Variants in PTPRD observed in about 807,000 individuals in gnomAD.
PTPRD encodes protein tyrosine phosphatase receptor type D, also known as receptor-type tyrosine-protein phosphatase delta.
A neutral mutation model predicts 214.5 loss-of-function variants in PTPRD; 34 were observed. The observed-to-expected ratio is 0.16, with a 90% CI of 0.12 to 0.21. PTPRD has a LOEUF of 0.21. PTPRD is among the 10% of genes least tolerant of loss of function. PTPRD has a pLI of 1.00. For missense variants in PTPRD, 2,545 were observed against 2,398.7 expected (o/e 1.06, Z -1.27); for synonymous variants, 1,128 against 845.7 (o/e 1.33, Z -5.79).
intron 3 of PTPRD, among the ~76,000 whole-genome samples, chr9:10,200,789 C>A (rs559821378): frequency 1.3e-5 from 2 of 151,924 alleles, no homozygotes; most frequent in African/African-American, 2.4e-5. Flanking sequence ...TAGAATTTTA[C>A]CTGAGGAAAA....
intron 10 of PTPRD, among the ~76,000 whole-genome samples, chr9:9,067,364 T>C (rs953001471): frequency 2.0e-5 from 3 of 152,262 alleles, no homozygotes; most frequent in African/African-American, 7.2e-5. Flanking sequence ...TTGAATTCTT[T>C]GTGTATTTAC....
intron 9 of PTPRD, among the ~76,000 whole-genome samples, chr9:9,371,833 A>G (rs1291961795): frequency 6.6e-6 from 1 of 152,106 alleles, no homozygotes; most frequent in Non-Finnish European, 1.5e-5. Context: ...CGTTTGTTTC[A>G]AAGAACATCT....
chr9:10,165,329 A>C (rs1376007593), intron 3 of PTPRD, among the ~76,000 whole-genome samples: 1 of 151,748 alleles, frequency 6.6e-6, no homozygotes, highest in Non-Finnish European at 1.5e-5. Context: ...TGAGAGTCTG[A>C]AGTCATGAAT....
intron 3 of PTPRD, among the ~76,000 whole-genome samples, chr9:10,047,583 C>T (rs969277964): frequency 6.6e-6 from 1 of 152,010 alleles, no homozygotes; most frequent in Non-Finnish European, 1.5e-5. Flanking sequence ...CTTTTTTGTT[C>T]CCACCTCTAT....
chr9:10,596,142 G>C (rs1256628837), intron 2 of PTPRD, among the ~76,000 whole-genome samples: 1 of 151,718 alleles, frequency 6.6e-6, no homozygotes, highest in Non-Finnish European at 1.5e-5. Flanking sequence ...TTTCACAGAT[G>C]AGAAAATGGC....
At chr9:8,379,715 T>C (rs1030352564) in intron 37 of PTPRD, among the ~76,000 whole-genome samples, 16 of 152,140 alleles carry the variant, frequency 1.1e-4, no homozygotes, top group Non-Finnish European at 1.6e-4. Flanking sequence ...ATAAAGCTGA[T>C]TGTGAGATGA....
At chr9:8,576,152 T>C (rs952915679) in intron 14 of PTPRD, among the ~76,000 whole-genome samples, 1 of 152,286 alleles carries the variant, frequency 6.6e-6, no homozygotes, top group African/African-American at 2.4e-5. Context: ...GGCTTTTTTT[T>C]CCTTTTAAAT....
intron 10 of PTPRD, among the ~76,000 whole-genome samples, chr9:9,083,827 G>C (rs2099762749): frequency 6.6e-6 from 1 of 152,186 alleles, no homozygotes; most frequent in Non-Finnish European, 1.5e-5. Context: ...GGTTATTACA[G>C]TAATGCAAAT....
intron 9 of PTPRD, among the ~76,000 whole-genome samples, chr9:9,213,199 G>A (rs2099949940): frequency 1.3e-5 from 2 of 152,134 alleles, no homozygotes; most frequent in African/African-American, 2.4e-5. Flanking sequence ...TCTTGTTGCA[G>A]AGAATTGACT....
At chr9:10,439,848 G>A (rs1472013059) in intron 2 of PTPRD, among the ~76,000 whole-genome samples, 3 of 151,478 alleles carry the variant, frequency 2.0e-5, no homozygotes, top group African/African-American at 7.3e-5. Context: ...AATGTTTCTT[G>A]TTGATACATT....
chr9:10,182,032 G>C (rs1403110789), intron 3 of PTPRD, among the ~76,000 whole-genome samples: 2 of 146,036 alleles, frequency 1.4e-5, no homozygotes, highest in African/African-American at 5.1e-5. Context: ...AAGGCAGGCA[G>C]ATCACAAGGT....
chr9:9,323,360 C>G (rs148405055), intron 9 of PTPRD, among the ~76,000 whole-genome samples: 9 of 152,176 alleles, frequency 5.9e-5, no homozygotes, highest in South Asian at 2.1e-4. Flanking sequence ...TATTCTTGAA[C>G]CAACCATGAG....
chr9:9,618,894 C>T (rs112624070), intron 7 of PTPRD, among the ~76,000 whole-genome samples: 10 of 151,520 alleles, frequency 6.6e-5, no homozygotes, highest in Admixed American at 2.6e-4. Context: ...CCACTTAAGT[C>T]GCAAACAAAG....
chr9:8,513,538 G>A (rs1392045263), intron 21 of PTPRD, among the ~76,000 whole-genome samples: 1 of 152,034 alleles, frequency 6.6e-6, no homozygotes, highest in Non-Finnish European at 1.5e-5. Flanking sequence ...GTACATTTCT[G>A]TGTATTTGTA....
intron 9 of PTPRD, among the ~76,000 whole-genome samples, chr9:9,377,133 C>G (rs1387231447): frequency 6.6e-6 from 1 of 151,814 alleles, no homozygotes; most frequent in Non-Finnish European, 1.5e-5. Flanking sequence ...TAAAATAAAA[C>G]ATATAAAAAC....
At chr9:10,037,344 T>C (rs2097203531) in intron 3 of PTPRD, among the ~76,000 whole-genome samples, 1 of 152,010 alleles carries the variant, frequency 6.6e-6, no homozygotes, top group African/African-American at 2.4e-5. Context: ...CTTGGTGGTG[T>C]TGCAGCAGGA....
chr9:8,461,269 G>C (rs1366468940), intron 32 of PTPRD, among the ~76,000 whole-genome samples: 1 of 152,016 alleles, frequency 6.6e-6, no homozygotes, highest in Non-Finnish European at 1.5e-5. Flanking sequence ...GAACTTAAAA[G>C]AATTCAGCAG....
intron 7 of PTPRD, among the ~76,000 whole-genome samples, chr9:9,655,286 A>G (rs1352600790): frequency 6.6e-6 from 1 of 152,166 alleles, no homozygotes; most frequent in East Asian, 1.9e-4. Flanking sequence ...AAAAATGCTC[A>G]AGGCTGGGTG....
chr9:8,836,329 A>G (rs988619262), intron 11 of PTPRD, among the ~76,000 whole-genome samples: 2 of 152,148 alleles, frequency 1.3e-5, no homozygotes, highest in Non-Finnish European at 2.9e-5. Flanking sequence ...AAAGAAAGAG[A>G]GCCCTTGGCA....
Sources: allele counts gnomAD v4.1 joint callset (sites outside exome capture counted in the v4.1 genomes callset), GRCh38; gene constraint gnomAD v4.1.1; transcripts MANE v1.5; gene names NCBI Gene and HGNC (gene_info 2026-07-23, HGNC 2026-07-21).